CTNNA3: variants seen among roughly 807,000 people sequenced by gnomAD.
The protein encoded by CTNNA3 is catenin alpha 3.
Under a neutral mutation model 95.7 loss-of-function variants are expected in CTNNA3, and 76 were observed. That is an observed-to-expected ratio of 0.79 (90% CI 0.66 to 0.96). CTNNA3 has a LOEUF of 0.96. CTNNA3 is among the 40% of genes least tolerant of loss of function. The probability of loss-of-function intolerance (pLI) is 0.00; values close to 1 mark genes in which losing one functional copy is unlikely to be tolerated. For missense variants in CTNNA3, 1,191 were observed against 1,089.8 expected, an observed-to-expected ratio of 1.09 and a Z score of -1.31; for synonymous variants, 431 against 374.4, an observed-to-expected ratio of 1.15 and a Z score of -1.74.
chr10:66,860,674 G>T (rs1843882854), intron 7 of CTNNA3, among the ~76,000 whole-genome samples: 1 of 152,044 alleles, frequency 6.6e-6, no homozygotes, highest in Admixed American at 6.6e-5. Context: ...CTATACATAA[G>T]ACAATCACAA....
At chr10:66,735,961 C>A (rs1025893838) in intron 9 of CTNNA3, among the ~76,000 whole-genome samples, 2 of 152,114 alleles carry the variant, frequency 1.3e-5, no homozygotes, top group African/African-American at 4.8e-5. Context: ...GTGTTCTTAC[C>A]CTTGCCTTGG....
intron 7 of CTNNA3, among the ~76,000 whole-genome samples, chr10:67,114,299 T>TA (rs1220832466): frequency 6.6e-6 from 1 of 152,082 alleles, no homozygotes; most frequent in Non-Finnish European, 1.5e-5. Context: ...ATTTACATTT[T>TA]AAAAATATTC....
chr10:66,120,684 TTCACTC>T (rs2082538967), intron 13 of CTNNA3, among the ~76,000 whole-genome samples: 1 of 152,192 alleles, frequency 6.6e-6, no homozygotes, highest in Admixed American at 6.5e-5. Flanking sequence ...CTTTTTTACT[TTCACTC>T]ACATTTTGTT....
intron 5 of CTNNA3, among the ~76,000 whole-genome samples, chr10:67,261,278 C>T (rs951386383): frequency 3.9e-5 from 6 of 152,272 alleles, no homozygotes; most frequent in Non-Finnish European, 8.8e-5. Context: ...AAACCCAATT[C>T]AAAGCCAAGC....
chr10:66,971,641 A>G (rs148951213), intron 7 of CTNNA3, among the ~76,000 whole-genome samples: 2 of 152,296 alleles, frequency 1.3e-5, no homozygotes, highest in Non-Finnish European at 2.9e-5. Flanking sequence ...TAAACACTCA[A>G]TAAATGACAA....
intron 5 of CTNNA3, among the ~76,000 whole-genome samples, chr10:67,392,508 G>T (rs1228154289): frequency 6.6e-6 from 1 of 152,164 alleles, no homozygotes; most frequent in Non-Finnish European, 1.5e-5. Flanking sequence ...TGATTCCTCA[G>T]GGATCTAGAA....
At chr10:66,571,382 C>T (rs1314241242) in intron 10 of CTNNA3, among the ~76,000 whole-genome samples, 1 of 152,134 alleles carries the variant, frequency 6.6e-6, no homozygotes, top group Non-Finnish European at 1.5e-5. Flanking sequence ...CCCATACTTT[C>T]ATATAAATTG....
At chr10:66,183,756 GT>G (rs1415402577) in intron 13 of CTNNA3, among the ~76,000 whole-genome samples, 1 of 152,112 alleles carries the variant, frequency 6.6e-6, no homozygotes, top group Non-Finnish European at 1.5e-5. Flanking sequence ...TTGGTTAGTA[GT>G]AAAAGGAATC....
chr10:66,589,830 C>G (rs903880561), intron 10 of CTNNA3, among the ~76,000 whole-genome samples: 3 of 152,078 alleles, frequency 2.0e-5, no homozygotes, highest in Non-Finnish European at 2.9e-5. Context: ...GAAGGACCAT[C>G]CCACACATTT....
At chr10:67,564,136 T>G (rs1841654838) in intron 3 of CTNNA3, among the ~76,000 whole-genome samples, 1 of 149,780 alleles carries the variant, frequency 6.7e-6, no homozygotes, top group African/African-American at 2.5e-5. Flanking sequence ...AGTGATCCCA[T>G]TACTGGGTAT....
At chr10:67,066,427 G>A (rs549892467) in intron 7 of CTNNA3, among the ~76,000 whole-genome samples, 14 of 151,394 alleles carry the variant, frequency 9.2e-5, no homozygotes, top group Non-Finnish European at 1.5e-4. Context: ...TCTTGACCTC[G>A]TGATCCGCCT....
chr10:66,342,641 T>C (rs2092465395), intron 12 of CTNNA3, among the ~76,000 whole-genome samples: 4 of 152,066 alleles, frequency 2.6e-5, no homozygotes, highest in Non-Finnish European at 5.9e-5. Context: ...ATTATAAACA[T>C]CTGTGTGTAA....
intron 7 of CTNNA3, among the ~76,000 whole-genome samples, chr10:67,032,580 A>G (rs1342992472): frequency 6.6e-6 from 1 of 152,206 alleles, no homozygotes; most frequent in Non-Finnish European, 1.5e-5. Context: ...ACTGCCAGGT[A>G]TTAAGCATCA....
At chr10:67,249,305 C>G (rs1866017556) in intron 5 of CTNNA3, among the ~76,000 whole-genome samples, 1 of 152,118 alleles carries the variant, frequency 6.6e-6, no homozygotes, top group African/African-American at 2.4e-5. Flanking sequence ...AAAGACAATA[C>G]AGTCATCCCA....
chr10:66,486,869 TA>T (rs1565009999), intron 11 of CTNNA3, among the ~76,000 whole-genome samples: 1 of 151,238 alleles, frequency 6.6e-6, no homozygotes, highest in East Asian at 1.9e-4. Flanking sequence ...CAGTCAGTCT[TA>T]AAAAAAGAAA....
At chr10:66,439,423 A>G (rs2093360950) in intron 11 of CTNNA3, among the ~76,000 whole-genome samples, 1 of 152,156 alleles carries the variant, frequency 6.6e-6, no homozygotes, top group African/African-American at 2.4e-5. Flanking sequence ...TTAATCACAA[A>G]TTTTGTAGAG....
chr10:67,534,928 C>A (rs1209107270), intron 4 of CTNNA3, among the ~76,000 whole-genome samples: 2 of 152,000 alleles, frequency 1.3e-5, no homozygotes, highest in African/African-American at 2.4e-5. Flanking sequence ...AAGAACCCAG[C>A]AACAAGTGGT....
At chr10:66,005,676 T>C (rs1228197759) in intron 15 of CTNNA3, among the ~76,000 whole-genome samples, 2 of 152,076 alleles carry the variant, frequency 1.3e-5, no homozygotes, top group Non-Finnish European at 2.9e-5. Context: ...ACACATTATA[T>C]AAATACTCCT....
At chr10:66,972,958 T>C (rs1448209182) in intron 7 of CTNNA3, among the ~76,000 whole-genome samples, 1 of 152,052 alleles carries the variant, frequency 6.6e-6, no homozygotes, top group African/African-American at 2.4e-5. Flanking sequence ...ATAAATACAG[T>C]AGAGAGAAAT....
Sources: allele counts gnomAD v4.1 joint callset (sites outside exome capture counted in the v4.1 genomes callset), GRCh38; gene constraint gnomAD v4.1.1; transcripts MANE v1.5; gene names NCBI Gene and HGNC (gene_info 2026-07-23, HGNC 2026-07-21).